The following PTPRN2 variants were observed in gnomAD, a reference collection of about 807,000 sequenced individuals.
PTPRN2 encodes receptor-type tyrosine-protein phosphatase N2.
Under a neutral mutation model 118.8 loss-of-function variants are expected in PTPRN2, and 74 were observed. The observed-to-expected ratio is 0.62, with a 90% CI of 0.52 to 0.76. PTPRN2 has a LOEUF of 0.76. PTPRN2 is among the 30% of genes least tolerant of loss of function. The pLI is 0.00. For missense variants in PTPRN2, 1,481 were observed against 1,394.4 expected, an observed-to-expected ratio of 1.06 and a Z score of -0.99; for synonymous variants, 641 against 608.0, an observed-to-expected ratio of 1.05 and a Z score of -0.80.
intron 2 of PTPRN2, among the ~76,000 whole-genome samples, chr7:158,344,742 A>G (rs889428215): frequency 1.3e-5 from 2 of 152,152 alleles, no homozygotes; most frequent in Middle Eastern, 3.4e-3. Context: ...ACGGTGCACG[A>G]TTTGCAATGT....
intron 2 of PTPRN2, among the ~76,000 whole-genome samples, chr7:158,337,384 A>C (rs1284665513): frequency 9.6e-6 from 1 of 103,822 alleles, no homozygotes; most frequent in Non-Finnish European, 2.2e-5. Context: ...CTCTCACCAT[A>C]AGAGGTAACA....
intron 3 of PTPRN2, among the ~76,000 whole-genome samples, chr7:158,239,660 C>T (rs945280433): frequency 2.6e-5 from 4 of 152,236 alleles, no homozygotes; most frequent in Admixed American, 6.5e-5. Flanking sequence ...CACCACTTCA[C>T]GCCCTTCTCC....
At position 157,568,961 on chromosome 7, in the gene PTPRN2, C is replaced by T; in HGVS notation, c.2843G>A (p.Gly948Asp). ...SCPIIVHCSD[G>D]AGRSGTYVLI... ...GACGTAGGTGCCGCTCCGGCCTGCA[C>T]CGTCACTGCCAACAGAAGGAGAGAA... is the stretch of plus-strand genomic sequence containing the variant. The change falls in exon 21 of 23, where the codon GGT (glycine) becomes GAT (aspartate). Residue 948 changes from glycine (G) to aspartate (D), a missense_variant. Gly to Asp is a moderately conservative substitution (Grantham distance 94). Transcript: ENST00000389418. The T allele has an allele frequency of 6.4e-7, 1 of 1,568,100 alleles. No individual in the cohort carries two copies. The highest frequency in any genetic ancestry group is 8.8e-7 in the Non-Finnish European group (1 of 1,138,474).
chr7:158,372,535 T>C (rs1055658072), intron 2 of PTPRN2, among the ~76,000 whole-genome samples: 9 of 149,472 alleles, frequency 6.0e-5, no homozygotes, highest in Non-Finnish European at 1.2e-4. Context: ...CCCCCCATGC[T>C]GGTCCCCAGA....
chr7:158,585,491 C>A (rs920291096), intron 1 of PTPRN2, among the ~76,000 whole-genome samples: 3 of 152,170 alleles, frequency 2.0e-5, no homozygotes, highest in Non-Finnish European at 4.4e-5. Context: ...TATGACACAG[C>A]CTTCTGTTAC....
chr7:158,272,960 C>G (rs1798613136), intron 3 of PTPRN2, among the ~76,000 whole-genome samples: 1 of 152,190 alleles, frequency 6.6e-6, no homozygotes, highest in Non-Finnish European at 1.5e-5. Context: ...GTTTGGGACT[C>G]TCGTTTCACT....
intron 2 of PTPRN2, among the ~76,000 whole-genome samples, chr7:158,366,069 GTGCACACACACACGCA>G: frequency 1.5e-5 from 2 of 133,496 alleles, no homozygotes; most frequent in South Asian, 2.5e-4. Context: ...CAATGCACGC[GTGCACACACACACGCA>G]CACACACACA....
At chr7:158,155,686 C>T (rs1404832765) in intron 6 of PTPRN2, among the ~76,000 whole-genome samples, 1 of 25,692 alleles carries the variant, frequency 3.9e-5, no homozygotes, top group Non-Finnish European at 1.4e-4. Flanking sequence ...TCATCACCAT[C>T]ACCATCAGCA....
intron 11 of PTPRN2, among the ~76,000 whole-genome samples, chr7:157,955,166 A>G (rs905566929): frequency 2.0e-5 from 3 of 152,134 alleles, no homozygotes; most frequent in African/African-American, 7.2e-5. Context: ...TGTGCCTCAC[A>G]CTAAAAAGCA....
intron 1 of PTPRN2, among the ~76,000 whole-genome samples, chr7:158,548,803 C>T (rs1007348845): frequency 1.3e-5 from 2 of 152,228 alleles, no homozygotes; most frequent in Admixed American, 1.3e-4. Flanking sequence ...CAGGAGCCGC[C>T]CTGACCACCA....
chr7:158,340,261 G>A (rs1806412040), intron 2 of PTPRN2, among the ~76,000 whole-genome samples: 1 of 92,090 alleles, frequency 1.1e-5, no homozygotes, highest in Non-Finnish European at 2.4e-5. Flanking sequence ...TATAAGAGGT[G>A]ACACCTACAG....
chr7:158,260,367 T>C (rs1004287828), intron 3 of PTPRN2, among the ~76,000 whole-genome samples: 1 of 152,220 alleles, frequency 6.6e-6, no homozygotes. Flanking sequence ...AATAATTCCA[T>C]GGGGAAATAA....
intron 15 of PTPRN2, among the ~76,000 whole-genome samples, chr7:157,612,199 C>T (rs1481791912): frequency 6.6e-6 from 1 of 152,216 alleles, no homozygotes; most frequent in Non-Finnish European, 1.5e-5. Flanking sequence ...GTGTGGGCAA[C>T]CCAGAGACCA....
intron 12 of PTPRN2, among the ~76,000 whole-genome samples, chr7:157,875,802 G>A (rs908204855): frequency 2.0e-5 from 3 of 151,360 alleles, no homozygotes; most frequent in African/African-American, 4.9e-5. Context: ...GGTGGGCACC[G>A]GGCTGCAGAG....
chr7:158,084,999 A>C (rs1439210887), intron 10 of PTPRN2, among the ~76,000 whole-genome samples: 13 of 49,238 alleles, frequency 2.6e-4, no homozygotes, highest in African/African-American at 6.0e-4. Flanking sequence ...GGATGCCCAT[A>C]CACTCCGACA....
chr7:157,984,260 AGGCTCCACCCCCCACG>A lies in PTPRN2; in HGVS notation c.1724-85539_1724-85524del, dbSNP rs1171979995. Among the ~76,000 whole-genome samples, 37 of 34,532 alleles carry A rather than the reference AGGCTCCACCCCCCACG, an allele frequency of 1.1e-3. 1 individual carries two copies. The highest frequency in any genetic ancestry group is 3.5e-3 in the African/African-American group (33 of 9,384). The allele number at this position is 34,532 out of a possible 152,430, so 22.7% of individuals were successfully genotyped here. On this transcript the variant is annotated intron_variant, in intron 11 of 22. Coordinates refer to ENST00000389418, the MANE Select transcript of PTPRN2 (RefSeq NM_002847.5). ...ACGCCAGGCTCCACCTCCCCACGCC[AGGCTCCACCCCCCACG>A]CCAGGCTCCACCCCATCCCACGCCA...
Position 157,861,409 on chromosome 7 carries a change from C to T in PTPRN2, c.1788+37264G>A, listed in dbSNP as rs930423437. Among the ~76,000 whole-genome samples the T allele has an allele frequency of 4.6e-5, 7 of 152,222 alleles. No individual in the cohort carries two copies. The highest frequency in any genetic ancestry group is 9.6e-5 in the African/African-American group (4 of 41,452). ...GGTGGGCAGTGGCTTCTGTGTTTTG[C>T]CGTCGAGGTGCAACATGCAGCTGGT... On this transcript the variant is annotated intron_variant, in intron 12 of 22. Coordinates refer to ENST00000389418, the MANE Select transcript of PTPRN2 (RefSeq NM_002847.5). The surrounding 1 kb of genome is among the most constrained non-coding windows in gnomAD (Gnocchi z 5.8).
intron 1 of PTPRN2, 75 bp from the exon 2 acceptor site, chr7:158,489,860 C>A: frequency 7.2e-7 from 1 of 1,384,928 alleles, no homozygotes. Context: ...CCTTCCTGGC[C>A]CCCTGGTGAA....
At chr7:158,273,010 C>T (rs1305368793) in intron 3 of PTPRN2, among the ~76,000 whole-genome samples, 3 of 152,182 alleles carry the variant, frequency 2.0e-5, no homozygotes, top group African/African-American at 2.4e-5. Flanking sequence ...ATGAAAGTGG[C>T]CATGGGCCTC....
Sources: gnomAD v4.1 joint callset for allele counts (sites outside exome capture counted in the v4.1 genomes callset) on GRCh38, gnomAD v4.1.1 for gene constraint, Gnocchi (gnomAD v3.1) non-coding constraint, MANE v1.5 for transcripts, NCBI Gene and HGNC (gene_info 2026-07-23, HGNC 2026-07-21) for gene names.